Variants in RGS3 observed in about 807,000 individuals in gnomAD.
RGS3 encodes regulator of G protein signaling 3, also known as regulator of G-protein signalling 3.
In RGS3, 80 loss-of-function variants were observed where a neutral mutation model predicts 132.6. The observed-to-expected ratio is 0.60, with a 90% CI of 0.50 to 0.73. The LOEUF (loss-of-function observed/expected upper bound fraction) is 0.73, where lower values mean the gene tolerates loss of function less well. Ranked by LOEUF, RGS3 falls within the 30% of genes least tolerant of loss-of-function variation. The pLI, the probability that RGS3 is intolerant of heterozygous loss-of-function variation, is 0.00. For synonymous variants in RGS3, 598 were observed against 620.6 expected, an observed-to-expected ratio of 0.96 and a Z score of 0.54; for missense variants, 1,382 against 1,530.8, an observed-to-expected ratio of 0.90 and a Z score of 1.62.
At chr9:113,574,673 G>T (rs188799873) in intron 19 of RGS3, among the ~76,000 whole-genome samples, 18 of 152,336 alleles carry the variant, frequency 1.2e-4, no homozygotes, top group African/African-American at 4.3e-4. Context: ...ATCCGAGGCA[G>T]ATTGAACCAG....
At chr9:113,495,387 G>A (rs575143181) in intron 7 of RGS3, among the ~76,000 whole-genome samples, 7 of 152,270 alleles carry the variant, frequency 4.6e-5, no homozygotes, top group Non-Finnish European at 1.0e-4. Context: ...AACTTCTTGA[G>A]CTTGAGGTCC....
At chr9:113,496,878 C>T (rs1415736611) in intron 8 of RGS3, among the ~76,000 whole-genome samples, 1 of 152,090 alleles carries the variant, frequency 6.6e-6, no homozygotes, top group African/African-American at 2.4e-5. Flanking sequence ...GCAGCCTTGG[C>T]TTCATTCTCC....
intron 16 of RGS3, 198 bp from the exon 15 acceptor site, chr9:113,522,732 G>C: frequency 1.7e-6 from 1 of 590,248 alleles, no homozygotes; most frequent in East Asian, 2.8e-5. Flanking sequence ...AAGCTGGAGG[G>C]TGATGGGGCC....
At chr9:113,486,553 C>A (rs1490147536) in intron 7 of RGS3, among the ~76,000 whole-genome samples, 1 of 152,192 alleles carries the variant, frequency 6.6e-6, no homozygotes. Flanking sequence ...TGTTGAGTGA[C>A]AGCAATGCAC....
intron 3 of RGS3, among the ~76,000 whole-genome samples, chr9:113,476,710 C>A (rs1035862208): frequency 3.3e-5 from 5 of 152,242 alleles, no homozygotes; most frequent in African/African-American, 1.2e-4. Context: ...CCTGTCCTAG[C>A]CACTGGGCTG....
At chr9:113,452,893 A>ATATATATAAATATATATTATATATT in intron 1 of RGS3, among the ~76,000 whole-genome samples, 1 of 126,432 alleles carries the variant, frequency 7.9e-6, no homozygotes, top group South Asian at 2.6e-4. Flanking sequence ...GGGTCTTTTT[A>ATATATATAAATATATATTATATATT]TATATATAAA....
At chr9:113,559,482 A>G (rs146842017) in intron 19 of RGS3, among the ~76,000 whole-genome samples, 18 of 152,268 alleles carry the variant, frequency 1.2e-4, no homozygotes, top group African/African-American at 4.3e-4. Flanking sequence ...GTAGGGGGAC[A>G]TTTGGTCTCC....
In RGS3 at chr9:113,463,554, C is replaced by A; in HGVS notation, c.415+1353C>A. The A allele has an allele frequency of 3.2e-6, 1 of 308,862 alleles. No homozygotes were observed. 19.1% of individuals were successfully genotyped at this position (308,862 alleles called of 1,614,324 possible). On this transcript the variant is annotated intron_variant, in intron 3 of 24. Coordinates refer to ENST00000350696, the Ensembl canonical transcript of RGS3. This position sits in a 1 kb window ranked among gnomAD's most constrained non-coding sequence, Gnocchi z 4.6. ...TCCTGCTGGCTCCTTGGGTGGCTGC[C>A]GTCGCTGCTCAGCGCGGGTCGGCGG... is the stretch of plus-strand genomic sequence containing the variant.
intron 8 of RGS3, 39 bp from the exon 7 acceptor site, chr9:113,497,275 C>T (rs747807959): frequency 1.4e-5 from 22 of 1,535,428 alleles, no homozygotes; most frequent in East Asian, 1.4e-4. Context: ...GTGCTTCTGC[C>T]TCCTGTGTCT....
In RGS3 at chr9:113,463,065, C is replaced by T. The variant is rs1829514452; in HGVS notation, c.415+864C>T. Reference sequence around the variant, plus strand: ...GGGATTCACCCACCCCACTCCGTTTCCTGTGCGTTCCTCTTTCTCAGAGGC... The same window carrying T: ...GGGATTCACCCACCCCACTCCGTTTTCTGTGCGTTCCTCTTTCTCAGAGGC... On this transcript the variant is annotated intron_variant, in intron 3 of 24. Coordinates refer to ENST00000350696, the Ensembl canonical transcript of RGS3. This position sits in a 1 kb window ranked among gnomAD's most constrained non-coding sequence, Gnocchi z 4.6. Among the ~76,000 whole-genome samples, 1 of 152,344 alleles carries T rather than the reference C, an allele frequency of 6.6e-6. No homozygotes were observed. Among genetic ancestry groups the T allele is most frequent in the Non-Finnish European group, 1.5e-5 (1 of 68,020 alleles).
intron 19 of RGS3, among the ~76,000 whole-genome samples, chr9:113,551,722 G>C (rs934448111): frequency 6.6e-6 from 1 of 152,148 alleles, no homozygotes; most frequent in African/African-American, 2.4e-5. Context: ...AGCTGGGTGT[G>C]GTGGCAGGCA....
intron 16 of RGS3, among the ~76,000 whole-genome samples, chr9:113,518,644 G>C (rs531082027): frequency 6.6e-6 from 1 of 152,128 alleles, no homozygotes; most frequent in Admixed American, 6.5e-5. Flanking sequence ...CTTTTTCAAG[G>C]GAGTGCCCTG....
rs1000224998 is a variant in RGS3 at position 113,463,081 on chromosome 9, T to G, written c.415+880T>G. ...ACTCCGTTTCCTGTGCGTTCCTCTTTCTCAGAGGCTGTGGGCCTGTCCTGC... is the reference window on the plus strand; with the variant it reads ...ACTCCGTTTCCTGTGCGTTCCTCTTGCTCAGAGGCTGTGGGCCTGTCCTGC... On this transcript the variant is annotated intron_variant, in intron 3 of 24. Coordinates refer to ENST00000350696, the Ensembl canonical transcript of RGS3. The surrounding 1 kb of genome is among the most constrained non-coding windows in gnomAD (Gnocchi z 4.6). Among the ~76,000 whole-genome samples, 5 of 152,250 alleles carry G rather than the reference T, an allele frequency of 3.3e-5. No homozygotes were observed. The highest frequency in any genetic ancestry group is 3.3e-4 in the Admixed American group (5 of 15,294).
intron 19 of RGS3, among the ~76,000 whole-genome samples, chr9:113,558,609 T>G (rs1833666045): frequency 6.6e-6 from 1 of 151,998 alleles, no homozygotes; most frequent in South Asian, 2.1e-4. Flanking sequence ...CCACTGTATG[T>G]GTAAGTATCA....
At chr9:113,511,676 T>C (rs1180734036) in intron 14 of RGS3, among the ~76,000 whole-genome samples, 1 of 152,156 alleles carries the variant, frequency 6.6e-6, no homozygotes, top group Non-Finnish European at 1.5e-5. Context: ...GTGACAGCCC[T>C]GGGCCCCTGG....
In RGS3 at chr9:113,595,179, C is replaced by T. The variant is rs1329492784; in HGVS notation, c.3244+199C>T. On this transcript the variant is annotated intron_variant, in intron 23 of 24. Transcript: ENST00000350696. The stretch of plus-strand genomic sequence containing the variant: ...GGAGCCAGCTTCTGCCAGCCCCTCC[C>T]CGTCCATGTGAGCTGGCACTGCCTG... 8 of 607,564 alleles carry T rather than the reference C, an allele frequency of 1.3e-5. No homozygotes were observed. In the East Asian group the frequency reaches 2.2e-4, roughly 17 times the overall value. 37.6% of individuals were successfully genotyped at this position (607,564 alleles called of 1,614,324 possible).
At chr9:113,482,960 T>G in intron 4 of RGS3, 99 bp from the exon 3 acceptor site, 1 of 1,599,018 alleles carries the variant, frequency 6.3e-7, no homozygotes, top group Non-Finnish European at 8.5e-7. Context: ...CAGGTCTCTT[T>G]ATTCGTGTGG....
chr9:113,580,893 A>T, intron 19 of RGS3: 1 of 985,598 alleles, frequency 1.0e-6, no homozygotes, highest in Non-Finnish European at 1.2e-6. Context: ...ACCACCCAGG[A>T]AAGGGGAAAT....
intron 19 of RGS3, among the ~76,000 whole-genome samples, chr9:113,572,202 G>T (rs889309592): frequency 6.6e-6 from 1 of 152,052 alleles, no homozygotes; most frequent in Non-Finnish European, 1.5e-5. Flanking sequence ...TTAGAGGATG[G>T]GACTTTATCC....
Sources: allele counts gnomAD v4.1 joint callset (sites outside exome capture counted in the v4.1 genomes callset), GRCh38; gene constraint gnomAD v4.1.1; non-coding constraint Gnocchi (gnomAD v3.1); transcripts MANE v1.5; gene names NCBI Gene and HGNC (gene_info 2026-07-23, HGNC 2026-07-21).